Variants in LIMK1 observed in about 807,000 individuals in gnomAD.
LIMK1 encodes the protein LIM domain kinase 1.
In LIMK1, 21 loss-of-function variants were observed where a neutral mutation model predicts 77.6. That is an observed-to-expected ratio of 0.27 (90% confidence interval 0.19 to 0.39). LIMK1 has a LOEUF of 0.39. LIMK1 is among the 10% of genes least tolerant of loss of function. The pLI, the probability that LIMK1 is intolerant of heterozygous loss-of-function variation, is 1.00. For missense variants in LIMK1, 696 were observed against 901.6 expected, an observed-to-expected ratio of 0.77 and a Z score of 2.92; for synonymous variants, 358 against 370.0, an observed-to-expected ratio of 0.97 and a Z score of 0.37.
At chr7:74,107,754 C>A in intron 8 of LIMK1, 117 bp from the exon 9 acceptor site, 1 of 733,834 alleles carries the variant, frequency 1.4e-6, no homozygotes, top group South Asian at 1.6e-5. Flanking sequence ...CATGCACAGC[C>A]TAGAGTATGA....
Position 74,115,860 on chromosome 7 carries a change from C to T in LIMK1, c.1469C>T (p.Thr490Ile), listed in dbSNP as rs1554699365. ...GLARLMVDEK[T>I]QPEGLRSLKK... is the part of the protein sequence containing the mutation. Reference sequence around the variant, plus strand: ...GCGCGTCTCATGGTGGACGAGAAGACTCAGCCTGAGGGCCTGCGGAGCCTC... The same window carrying T: ...GCGCGTCTCATGGTGGACGAGAAGATTCAGCCTGAGGGCCTGCGGAGCCTC... The change falls in exon 13 of 16, where the codon ACT becomes ATT. Residue 490 changes from threonine (T) to isoleucine (I), a missense_variant. Thr to Ile is a moderately conservative substitution (Grantham distance 89). Around this residue, in one of 3 missense-constraint regions of LIMK1, gnomAD observed 438 missense variants for 602.3 expected, o/e 0.73. Coordinates refer to ENST00000336180, the MANE Select transcript of LIMK1 (RefSeq NM_002314.4). 4 of 1,614,062 alleles carry T rather than the reference C, an allele frequency of 2.5e-6. No homozygotes were observed. Among genetic ancestry groups the T allele is most frequent in the Non-Finnish European group, 3.4e-6 (4 of 1,180,036 alleles).
At chr7:74,098,481 G>A (rs1288577473) in intron 4 of LIMK1, among the ~76,000 whole-genome samples, 1 of 152,150 alleles carries the variant, frequency 6.6e-6, no homozygotes, top group Non-Finnish European at 1.5e-5. Context: ...AGACAGACCC[G>A]AATGACTCAG....
At chr7:74,090,592 ACT>A (rs1799217825) in intron 2 of LIMK1, among the ~76,000 whole-genome samples, 1 of 151,452 alleles carries the variant, frequency 6.6e-6, no homozygotes, top group South Asian at 2.1e-4. Flanking sequence ...AAGGTGCTAG[ACT>A]CTGCTTAGTC....
Position 74,084,016 on chromosome 7 carries a change from C to G in LIMK1, c.26C>G (p.Thr9Ser). Residue 9 changes from threonine to serine, a missense_variant, in exon 1 of 16, where the codon ACC becomes AGC. Coordinates refer to ENST00000336180, the MANE Select transcript of LIMK1 (RefSeq NM_002314.4). The part of the protein sequence containing the change: MRLTLLCC[T>S]WREERMGEEG... ...ATGAGGTTGACGCTACTTTGTTGCA[C>G]CTGGAGGGAAGAACGTATGGGAGAG... 6.7e-7 allele frequency: 1 copy of G among 1,490,034 alleles called. No individual in the cohort carries two copies. The highest frequency in any genetic ancestry group is 9.0e-7 in the Non-Finnish European group (1 of 1,114,076). The allele number at this position is 1,490,034 out of a possible 1,614,324, so 92.3% of individuals were successfully genotyped here. A position where few individuals can be genotyped will look rare whatever the true frequency, so the allele number is the denominator to read the frequency against.
rs1176977328 is a variant in LIMK1 at position 74,120,755 on chromosome 7, A to G, written c.1623+117A>G. 1.6e-5 allele frequency: 24 copies of G among 1,526,136 alleles called. No homozygotes were observed. In the East Asian group the frequency reaches 5.4e-4, roughly 34 times the overall value. The allele number at this position is 1,526,136 out of a possible 1,614,324, so 94.5% of individuals were successfully genotyped here. A position where few individuals can be genotyped will look rare whatever the true frequency, so the allele number is the denominator to read the frequency against. ...CCAGGAAGCCTGCCCACAGCAAGGC[A>G]TGGGCTGGCCCCCATGGGGTACTGC... On this transcript the variant is annotated intron_variant, in intron 14 of 15. Coordinates refer to ENST00000336180, the MANE Select transcript of LIMK1 (RefSeq NM_002314.4).
At position 74,085,768 on chromosome 7, in the gene LIMK1, G is replaced by A; in HGVS notation, c.76G>A (p.Ala26Thr). The A allele has an allele frequency of 6.4e-7, 1 of 1,560,766 alleles. No individual in the cohort carries two copies. The highest frequency in any genetic ancestry group is 8.7e-7 in the Non-Finnish European group (1 of 1,151,938). Residue 26 changes from alanine to threonine, a missense_variant, in exon 2 of 16, where the codon GCA becomes ACA. Ala to Thr is a moderately conservative substitution (Grantham distance 58, BLOSUM62 0). Transcript: ENST00000336180. Reference sequence around the variant, plus strand: ...TGCAGGAAGCGAGTTGCCCGTGTGTGCAAGCTGCGGCCAGAGGATCTATGA... The same window carrying A: ...TGCAGGAAGCGAGTTGCCCGTGTGTACAAGCTGCGGCCAGAGGATCTATGA... ...GEEGSELPVC[A>T]SCGQRIYDGQ...
intron 4 of LIMK1, 105 bp downstream of exon 4, chr7:74,097,294 G>A (rs1584112654): frequency 1.6e-6 from 1 of 632,286 alleles, no homozygotes; most frequent in Admixed American, 3.4e-5. Context: ...TTCCCATGGG[G>A]TGAGGTTTGT....
At chr7:74,106,300 G>C (rs1799573352) in intron 7 of LIMK1, 57 bp downstream of exon 7, 1 of 1,541,760 alleles carries the variant, frequency 6.5e-7, no homozygotes, top group Non-Finnish European at 8.7e-7. Flanking sequence ...TGGGGCTCAG[G>C]GGCTGTGGGA....
chr7:74,088,243 T>C (rs1799171124), intron 2 of LIMK1, among the ~76,000 whole-genome samples: 2 of 152,162 alleles, frequency 1.3e-5, no homozygotes, highest in African/African-American at 2.4e-5. Flanking sequence ...ACACAGCCAG[T>C]GAGTGAAATG....
chr7:74,121,364 CG>C lies in LIMK1; in HGVS notation c.*64del. 1 of 1,437,070 alleles carries C rather than the reference CG, an allele frequency of 7.0e-7. No homozygotes were observed. The highest frequency in any genetic ancestry group is 9.3e-7 in the Non-Finnish European group (1 of 1,079,474). The allele number at this position is 1,437,070 out of a possible 1,614,324, so 89.0% of individuals were successfully genotyped here. ...AGAATCCACCCCCACCAGATTCCTC[CG>C]CGGGAGGTGGCCCTCAGCTGGGACA... On this transcript the variant is annotated 3_prime_UTR_variant, in exon 16 of 16. Coordinates refer to ENST00000336180, the MANE Select transcript of LIMK1 (RefSeq NM_002314.4).
intron 13 of LIMK1, among the ~76,000 whole-genome samples, chr7:74,116,711 T>C (rs1563924604): frequency 6.6e-6 from 1 of 150,750 alleles, no homozygotes; most frequent in Non-Finnish European, 1.5e-5. Flanking sequence ...TCCTTTTTTT[T>C]TTCTTTTTTA....
chr7:74,102,484 C>CTTTTTTTTTTTTTTTTTTTCTTTTTTTT (rs71094754), intron 5 of LIMK1, among the ~76,000 whole-genome samples: 1 of 54,042 alleles, frequency 1.9e-5, no homozygotes, highest in Non-Finnish European at 3.5e-5. Context: ...AGGACCTTCT[C>CTTTTTTTTTTTTTTTTTTTCTTTTTTTT]TTTTTTTTTT....
chr7:74,103,713 C>T (rs1554696939), intron 5 of LIMK1, among the ~76,000 whole-genome samples: 1 of 152,156 alleles, frequency 6.6e-6, no homozygotes, highest in Non-Finnish European at 1.5e-5. Context: ...CTACCAAATG[C>T]TGAATTTCTA....
At chr7:74,103,683 A>G (rs1799512625) in intron 5 of LIMK1, among the ~76,000 whole-genome samples, 1 of 152,210 alleles carries the variant, frequency 6.6e-6, no homozygotes, top group Non-Finnish European at 1.5e-5. Context: ...TCTTGCCTGT[A>G]GCGATTATTA....
Position 74,096,690 on chromosome 7 carries a change from A to C in LIMK1, c.221A>C (p.Lys74Thr). 6.2e-7 allele frequency: 1 copy of C among 1,614,114 alleles called. No homozygotes were observed. The highest frequency in any genetic ancestry group is 8.5e-7 in the Non-Finnish European group (1 of 1,180,022). The change falls in exon 3 of 16, where the codon AAG becomes ACG. Residue 74 changes from lysine (K) to threonine (T), a missense_variant. Coordinates refer to ENST00000336180, the MANE Select transcript of LIMK1 (RefSeq NM_002314.4). ...YEKDGQLFCK[K>T]DYWARYGESC... is the part of the protein sequence containing the mutation. ...AAGGATGGGCAGCTCTTCTGCAAGA[A>C]GGACTACTGGGCCCGCTATGGCGAG...
At chr7:74,103,958 T>A (rs1178147110) in intron 5 of LIMK1, among the ~76,000 whole-genome samples, 2 of 151,994 alleles carry the variant, frequency 1.3e-5, no homozygotes, top group Non-Finnish European at 2.9e-5. Context: ...CATGCCTGGC[T>A]AATTTTTTAT....
chr7:74,111,406 C>G (rs1554698601), intron 10 of LIMK1: 2 of 521,834 alleles, frequency 3.8e-6, no homozygotes, highest in African/African-American at 3.8e-5. Context: ...CCACTGCACT[C>G]CACCCTGGGT....
intron 8 of LIMK1, 129 bp downstream of exon 8, chr7:74,107,322 T>C: frequency 1.0e-6 from 1 of 959,176 alleles, no homozygotes; most frequent in Non-Finnish European, 1.5e-6. Flanking sequence ...TGCCCTCTCC[T>C]CCCTTGGCCT....
intron 2 of LIMK1, among the ~76,000 whole-genome samples, chr7:74,091,335 G>A (rs112337142): frequency 3.8e-4 from 58 of 152,206 alleles, no homozygotes; most frequent in African/African-American, 1.4e-3. Flanking sequence ...ATCAACCTAG[G>A]CAACATAGTG....
Sources: allele counts gnomAD v4.1 joint callset (sites outside exome capture counted in the v4.1 genomes callset), GRCh38; gene constraint gnomAD v4.1.1; regional missense constraint gnomAD v4.1.1; transcripts MANE v1.5; gene names NCBI Gene and HGNC (gene_info 2026-07-23, HGNC 2026-07-21).